The following JMJD1C variants were observed in gnomAD, a reference collection of about 807,000 sequenced individuals.
JMJD1C encodes jumonji domain containing 1C, also known as jumonji domain-containing protein 1C.
In JMJD1C, 31 loss-of-function variants were observed where a neutral mutation model predicts 245.3. The ratio of observed to expected loss-of-function variants is 0.13; its 90% CI spans 0.09 to 0.17. The LOEUF is 0.17. JMJD1C is among the 10% of genes least tolerant of loss of function. The pLI is 1.00. For missense variants in JMJD1C, 2,691 were observed against 3,000.2 expected (o/e 0.90, Z 2.41); for synonymous variants, 1,057 against 1,017.4 (o/e 1.04, Z -0.74).
At position 63,209,063 on chromosome 10, in the gene JMJD1C, T is replaced by C; in HGVS notation, c.2867A>G (p.Glu956Gly). The C allele has an allele frequency of 6.2e-7, 1 of 1,607,984 alleles. No individual in the cohort carries two copies. The change falls in exon 9 of 26, where the codon GAA (glutamate) becomes GGA (glycine). Residue 956 changes from glutamate (E) to glycine (G), a missense_variant and splice_region_variant. Transcript: ENST00000399262. Reference protein sequence around the residue: ...LTKTLVDHHKEELERKAFMEP... With the variant: ...LTKTLVDHHKGELERKAFMEP... Reference sequence around the variant, plus strand: ...AATTTTTAAGCACTGGTGAACTTACTCCTTATGATGATCTACTAAAGTTTT... The same window carrying C: ...AATTTTTAAGCACTGGTGAACTTACCCCTTATGATGATCTACTAAAGTTTT...
intron 1 of JMJD1C, among the ~76,000 whole-genome samples, chr10:63,481,816 A>G (rs1243811441): frequency 6.6e-6 from 1 of 152,206 alleles, no homozygotes; most frequent in Non-Finnish European, 1.5e-5. Flanking sequence ...GACAAACAGG[A>G]GCTGGAGGAA....
chr10:63,334,336 A>T (rs1040619543), intron 2 of JMJD1C, among the ~76,000 whole-genome samples: 1 of 152,238 alleles, frequency 6.6e-6, no homozygotes, highest in Non-Finnish European at 1.5e-5. Context: ...AAATCAAATC[A>T]TACCACCTTA....
intron 2 of JMJD1C, among the ~76,000 whole-genome samples, chr10:63,299,382 A>G: frequency 6.9e-6 from 1 of 144,472 alleles, no homozygotes; most frequent in South Asian, 2.2e-4. Flanking sequence ...TGTAGAGATG[A>G]GGTTTCACCA....
intron 2 of JMJD1C, among the ~76,000 whole-genome samples, chr10:63,279,480 T>C (rs1857170009): frequency 6.6e-6 from 1 of 152,216 alleles, no homozygotes; most frequent in Admixed American, 6.5e-5. Flanking sequence ...ACAGAAGCAC[T>C]AGCTTCCTTG....
intron 10 of JMJD1C, chr10:63,205,113 T>G (rs944593630): frequency 1.4e-6 from 1 of 713,568 alleles, no homozygotes; most frequent in Admixed American, 6.3e-5. Context: ...ATATTACTGT[T>G]AAGTATCTCT....
chr10:63,426,605 A>G (rs1471720865), intron 1 of JMJD1C, among the ~76,000 whole-genome samples: 2 of 152,058 alleles, frequency 1.3e-5, no homozygotes, highest in African/African-American at 4.8e-5. Flanking sequence ...CAGGAGGCGG[A>G]AGTTGCAGTG....
At chr10:63,373,032 A>G in intron 2 of JMJD1C, 1 of 220,114 alleles carries the variant, frequency 4.5e-6, no homozygotes, top group Non-Finnish European at 1.1e-5. Context: ...CCAGGGCCCT[A>G]ACCCAGTTAG....
rs143218503 is a variant in JMJD1C, at chr10:63,254,158, A to G, written c.447+10493T>C. On this transcript the variant is annotated intron_variant, in intron 3 of 25. Coordinates refer to ENST00000399262, the MANE Select transcript of JMJD1C (RefSeq NM_032776.3). The stretch of plus-strand genomic sequence containing the variant: ...TTGAATTTTAGCTTTGAGCAAATCT[A>G]GGTATTCAGAATACCCATATGCACA... 7.4e-3 allele frequency among the ~76,000 whole-genome samples: 1,132 copies of G among 152,272 alleles called. 13 individuals are homozygous for G. The highest frequency in any genetic ancestry group is 0.012 in the Non-Finnish European group (844 of 68,026).
rs368385987 is a variant in JMJD1C at position 63,265,206 on chromosome 10, A to G, written c.334-442T>C. ...CTTTTTGTCTAGCTCATTCACATTA[A>G]GCAGGATTTTAAATGATCAGGAAGT... On this transcript the variant is annotated intron_variant, in intron 2 of 25. Transcript: ENST00000399262. Among the ~76,000 whole-genome samples the G allele has an allele frequency of 2.8e-4, 42 of 152,236 alleles. No individual in the cohort carries two copies. In the East Asian group the frequency reaches 6.7e-3, roughly 24 times the overall value.
rs185530790 is a variant in JMJD1C at position 63,206,945 on chromosome 10, A to G, written c.4724T>C (p.Val1575Ala). ...TNKMENSGNS[V>A]SEIIKPCSVN... is the part of the protein sequence containing the mutation. ...AGAACATGGCTTAATAATTTCTGAT[A>G]CAGAATTCCCTGAATTTTCCATTTT... Residue 1575 changes from valine to alanine, a missense_variant, in exon 10 of 26, where the codon GTA becomes GCA. Physicochemically the swap from Val to Ala is moderately conservative, Grantham distance 64 (BLOSUM62 0). This residue lies in a region of JMJD1C where 144 missense variants were observed against 143.3 expected (regional missense o/e 1.00). Transcript: ENST00000399262. The G allele has an allele frequency of 5.1e-5, 82 of 1,612,322 alleles. No individual in the cohort carries two copies. In the East Asian group the frequency reaches 1.7e-3, roughly 34 times the overall value.
At chr10:63,272,392 C>T (rs962011864) in intron 2 of JMJD1C, among the ~76,000 whole-genome samples, 11 of 152,054 alleles carry the variant, frequency 7.2e-5, no homozygotes, top group Admixed American at 7.2e-4. Context: ...GCTGGGATTA[C>T]AGGTGCACGC....
chr10:63,194,261 T>C (rs747536201), intron 14 of JMJD1C, 25 bp downstream of exon 14: 10 of 1,415,998 alleles, frequency 7.1e-6, no homozygotes, highest in East Asian at 6.8e-5. Context: ...AGAGCAGTTA[T>C]ATTACATGAA....
chr10:63,186,401 A>G lies in JMJD1C; in HGVS notation c.6571-18T>C. 1 of 1,559,312 alleles carries G rather than the reference A, an allele frequency of 6.4e-7. No individual in the cohort carries two copies. Among genetic ancestry groups the G allele is most frequent in the Non-Finnish European group, 8.7e-7 (1 of 1,148,876 alleles). The stretch of plus-strand genomic sequence containing the variant: ...ACTGCAGGCTTATAAATAGATAAAT[A>G]AATAACAGTTAAAAGATATATAGAC... On this transcript the variant is annotated intron_variant, in intron 18 of 25. Coordinates refer to ENST00000399262, the MANE Select transcript of JMJD1C (RefSeq NM_032776.3).
At chr10:63,267,792 T>C (rs988425809) in intron 2 of JMJD1C, among the ~76,000 whole-genome samples, 2 of 152,152 alleles carry the variant, frequency 1.3e-5, no homozygotes, top group Non-Finnish European at 2.9e-5. Flanking sequence ...TTTTTAAAAA[T>C]AGTCTACGGC....
Position 63,281,458 on chromosome 10 carries a change from CTTTTTTTTTTTT to C in JMJD1C, c.334-16706_334-16695del, listed in dbSNP as rs71025144. Among the ~76,000 whole-genome samples the C allele has an allele frequency of 9.2e-5, 6 of 65,388 alleles. No homozygotes were observed. The East Asian group carries it at 1.5e-3, about 16-fold the overall frequency. 42.9% of individuals were successfully genotyped at this position (65,388 alleles called of 152,430 possible). ...ACAGGCGTGAGCCACTGCGCCTGGC[CTTTTTTTTTTTT>C]TTTTTTTTTTTTTTTTTTGAGACGG... is the stretch of plus-strand genomic sequence containing the variant. On this transcript the variant is annotated intron_variant, in intron 2 of 25. Coordinates refer to ENST00000399262, the MANE Select transcript of JMJD1C (RefSeq NM_032776.3).
At chr10:63,293,579 T>C (rs1011049840) in intron 2 of JMJD1C, among the ~76,000 whole-genome samples, 5 of 152,100 alleles carry the variant, frequency 3.3e-5, no homozygotes, top group African/African-American at 1.2e-4. Context: ...AATCTTCAGG[T>C]CATCCTACTT....
At chr10:63,391,569 A>C (rs1948064113) in intron 1 of JMJD1C, among the ~76,000 whole-genome samples, 1 of 152,080 alleles carries the variant, frequency 6.6e-6, no homozygotes, top group African/African-American at 2.4e-5. Flanking sequence ...ATAATACCTA[A>C]AGAAAAAACA....
At chr10:63,271,598 C>G (rs1359357323) in intron 2 of JMJD1C, among the ~76,000 whole-genome samples, 1 of 151,992 alleles carries the variant, frequency 6.6e-6, no homozygotes, top group East Asian at 1.9e-4. Context: ...GTTGCTCAGG[C>G]TGGAGTGCAA....
chr10:63,189,830 C>G, intron 17 of JMJD1C, among the ~76,000 whole-genome samples: 1 of 151,988 alleles, frequency 6.6e-6, no homozygotes, highest in Non-Finnish European at 1.5e-5. Flanking sequence ...CCCACCTCAG[C>G]CTCCCAAAGT....
Sources: allele counts gnomAD v4.1 joint callset (sites outside exome capture counted in the v4.1 genomes callset), GRCh38; gene constraint gnomAD v4.1.1; regional missense constraint gnomAD v4.1.1; transcripts MANE v1.5; gene names NCBI Gene and HGNC (gene_info 2026-07-23, HGNC 2026-07-21).